The following OR5M8 variants were observed in gnomAD, a reference collection of about 807,000 sequenced individuals.
OR5M8 encodes the protein olfactory receptor 5M8.
For missense variants in OR5M8, 445 were observed against 379.3 expected (o/e 1.17, Z -1.44); for synonymous variants, 163 against 141.5 (o/e 1.15, Z -1.08).
rs746906761 is a variant in OR5M8 at position 56,490,501 on chromosome 11, G to A, written c.870C>T (p.Ser290=). The A allele has an allele frequency of 6.3e-7, 1 of 1,587,218 alleles. No individual in the cohort carries two copies. Among genetic ancestry groups the A allele is most frequent in the South Asian group, 1.1e-5 (1 of 90,210 alleles). Residue 290 remains serine, a synonymous_variant, in exon 1 of 1, where the codon AGC becomes AGT. Coordinates refer to ENST00000327216, the MANE Select transcript of OR5M8 (RefSeq NM_001005282.1). The part of the protein sequence containing the change: ...VIPMLNLIIY[S]LRNKNVKEAL... ...CTTCTTTTACATTTTTATTTCTAAGGCTATAAATTATAAGGTTCAGCATAG... is the reference window on the plus strand; with the variant it reads ...CTTCTTTTACATTTTTATTTCTAAGACTATAAATTATAAGGTTCAGCATAG...
Position 56,490,502 on chromosome 11 carries a change from C to A in OR5M8, c.869G>T (p.Ser290Ile), listed in dbSNP as rs754539185. The A allele has an allele frequency of 6.3e-7, 1 of 1,590,058 alleles. No individual in the cohort carries two copies. Among genetic ancestry groups the A allele is most frequent in the South Asian group, 1.1e-5 (1 of 90,340 alleles). Residue 290 changes from serine (S) to isoleucine (I), a missense_variant, in exon 1 of 1, where the codon AGC becomes ATC. Physicochemically the swap from Ser to Ile is moderately radical, Grantham distance 142. Coordinates refer to ENST00000327216, the MANE Select transcript of OR5M8 (RefSeq NM_001005282.1). ...VIPMLNLIIY[S>I]LRNKNVKEAL... ...TTCTTTTACATTTTTATTTCTAAGG[C>A]TATAAATTATAAGGTTCAGCATAGG... is the stretch of plus-strand genomic sequence containing the variant.
In OR5M8 at chr11:56,491,270, T is replaced by C; in HGVS notation, c.101A>G (p.Tyr34Cys). ...AAGGTTCCCTGCCACCGTGACCATG[T>C]AAATGGCCAGAAACAGCGTGAAGAG... ...ILLFTLFLAI[Y>C]MVTVAGNLGM... Residue 34 changes from tyrosine (Y) to cysteine (C), a missense_variant, in exon 1 of 1, where the codon TAC becomes TGC. Coordinates refer to ENST00000327216, the MANE Select transcript of OR5M8 (RefSeq NM_001005282.1). 1 of 1,614,132 alleles carries C rather than the reference T, an allele frequency of 6.2e-7. No individual in the cohort carries two copies. Among genetic ancestry groups the C allele is most frequent in the South Asian group, 1.1e-5 (1 of 91,074 alleles).
In OR5M8 at chr11:56,490,657, A is replaced by G; in HGVS notation, c.714T>C (p.Ser238=). ...RSTEGRQKAF[S]TCGSHLTAVT... ...CAGCTGTCAGATGGGAGCCACAGGT[A>G]GAAAAAGCTTTTTGCCTGCCCTCTG... Residue 238 remains serine (S), a synonymous_variant, in exon 1 of 1, where the codon TCT becomes TCC. Transcript: ENST00000327216. 6.2e-7 allele frequency: 1 copy of G among 1,613,870 alleles called. No homozygotes were observed. Among genetic ancestry groups the G allele is most frequent in the Non-Finnish European group, 8.5e-7 (1 of 1,179,922 alleles).
At position 56,491,247 on chromosome 11, in the gene OR5M8, G is replaced by A. The variant is rs1853850850; in HGVS notation, c.124C>T (p.Leu42Phe). 2 of 1,613,996 alleles carry A rather than the reference G, an allele frequency of 1.2e-6. No homozygotes were observed. Among genetic ancestry groups the A allele is most frequent in the African/African-American group, 2.7e-5 (2 of 74,918 alleles). ...AIYMVTVAGN[L>F]GMIVLIQANA... is the part of the protein sequence containing the mutation. ...GCCTGGATGAGGACAATCATGCCAA[G>A]GTTCCCTGCCACCGTGACCATGTAA... is the stretch of plus-strand genomic sequence containing the variant. The change falls in exon 1 of 1, where the codon CTT becomes TTT. Residue 42 changes from leucine (L) to phenylalanine (F), a missense_variant. Transcript: ENST00000327216.
chr11:56,491,220 T>C lies in OR5M8; in HGVS notation c.151A>G (p.Asn51Asp), dbSNP rs1296364075. ...NLGMIVLIQANAWLHMPMYFF... is the reference protein window; with the variant it reads ...NLGMIVLIQADAWLHMPMYFF... ...TACATGGGCATGTGGAGCCAGGCGTTGGCCTGGATGAGGACAATCATGCCA... is the reference window on the plus strand; with the variant it reads ...TACATGGGCATGTGGAGCCAGGCGTCGGCCTGGATGAGGACAATCATGCCA... Residue 51 changes from asparagine to aspartate, a missense_variant, in exon 1 of 1, where the codon AAC (asparagine) becomes GAC (aspartate). Physicochemically the swap from Asn to Asp is conservative, Grantham distance 23 (BLOSUM62 1). Coordinates refer to ENST00000327216, the MANE Select transcript of OR5M8 (RefSeq NM_001005282.1). 3 of 1,614,148 alleles carry C rather than the reference T, an allele frequency of 1.9e-6. No individual in the cohort carries two copies. The South Asian group carries it at 3.3e-5, about 18-fold the overall frequency.
At position 56,490,957 on chromosome 11, in the gene OR5M8, A is replaced by G. The variant is rs772432641; in HGVS notation, c.414T>C (p.Ser138=). Residue 138 remains serine, a synonymous_variant, in exon 1 of 1, where the codon AGT becomes AGC. Transcript: ENST00000327216. ...PLLYGSRMSK[S]VCSFLITVPY... is the part of the protein sequence containing the mutation. ...GCACCGTGATGAGGAAGGAGCACAC[A>G]CTCTTGGACATTCTGCTGCCATAAA... 3.7e-5 allele frequency: 59 copies of G among 1,613,820 alleles called. 1 individual carries two copies. The highest frequency in any genetic ancestry group is 6.7e-5 in the African/African-American group (5 of 74,846).
Position 56,491,322 on chromosome 11 carries a change from T to C in OR5M8, c.49A>G (p.Thr17Ala). Residue 17 changes from threonine (T) to alanine (A), a missense_variant, in exon 1 of 1, where the codon ACC (threonine) becomes GCC (alanine). Coordinates refer to ENST00000327216, the MANE Select transcript of OR5M8 (RefSeq NM_001005282.1). ...LVTEFILLGLTSRRELQILLF... is the reference protein window; with the variant it reads ...LVTEFILLGLASRRELQILLF... ...AGAATTTGTAATTCCCGGCGACTGG[T>C]CAGTCCCAGGAGAATGAACTCAGTC... 6.2e-7 allele frequency: 1 copy of C among 1,613,392 alleles called. No homozygotes were observed. The highest frequency in any genetic ancestry group is 8.5e-7 in the Non-Finnish European group (1 of 1,179,682).
Position 56,491,247 on chromosome 11 carries a change from G to C in OR5M8, c.124C>G (p.Leu42Val). The C allele has an allele frequency of 6.2e-7, 1 of 1,614,114 alleles. No homozygotes were observed. Among genetic ancestry groups the C allele is most frequent in the Non-Finnish European group, 8.5e-7 (1 of 1,179,988 alleles). The change falls in exon 1 of 1, where the codon CTT (leucine) becomes GTT (valine). Residue 42 changes from leucine (L) to valine (V), a missense_variant. By Grantham distance (32) the Leu-to-Val change is conservative (BLOSUM62 1). Transcript: ENST00000327216. ...GCCTGGATGAGGACAATCATGCCAA[G>C]GTTCCCTGCCACCGTGACCATGTAA... ...AIYMVTVAGN[L>V]GMIVLIQANA... is the part of the protein sequence containing the mutation.
In OR5M8 at chr11:56,490,836, C is replaced by T. The variant is rs1853844020; in HGVS notation, c.535G>A (p.Ala179Thr). ...GCCAGCTTAATCAGTGGTGGGTCCG[C>T]ACAGTAGAAGTGATTAATTTCATTG... Reference protein sequence around the residue: ...GPNEINHFYCADPPLIKLACS... With the variant: ...GPNEINHFYCTDPPLIKLACS... Residue 179 changes from alanine (A) to threonine (T), a missense_variant, in exon 1 of 1, where the codon GCG becomes ACG. Ala to Thr is a moderately conservative substitution (Grantham distance 58). Transcript: ENST00000327216. 1.9e-6 allele frequency: 3 copies of T among 1,614,080 alleles called. No individual in the cohort carries two copies. The highest frequency in any genetic ancestry group is 8.5e-7 in the Non-Finnish European group (1 of 1,179,980).
rs763301977 is a variant in OR5M8, at chr11:56,490,637, G to C, written c.734C>G (p.Thr245Arg). 9 of 1,613,972 alleles carry C rather than the reference G, an allele frequency of 5.6e-6. 1 individual carries two copies. The South Asian group carries it at 9.9e-5, about 18-fold the overall frequency. ...KAFSTCGSHL[T>R]AVTIFYATLF... ...GGTTGCATAGAATATAGTGACAGCT[G>C]TCAGATGGGAGCCACAGGTAGAAAA... is the stretch of plus-strand genomic sequence containing the variant. The change falls in exon 1 of 1, where the codon ACA becomes AGA. Residue 245 changes from threonine to arginine, a missense_variant. Coordinates refer to ENST00000327216, the MANE Select transcript of OR5M8 (RefSeq NM_001005282.1).
chr11:56,491,327 C>T lies in OR5M8; in HGVS notation c.44G>A (p.Gly15Glu). The T allele has an allele frequency of 1.2e-6, 2 of 1,607,556 alleles. No individual in the cohort carries two copies. The highest frequency in any genetic ancestry group is 1.7e-6 in the Non-Finnish European group (2 of 1,177,210). The change falls in exon 1 of 1, where the codon GGA becomes GAA. Residue 15 changes from glycine (G) to glutamate (E), a missense_variant. Gly to Glu is a moderately conservative substitution (Grantham distance 98). Transcript: ENST00000327216. ...TTGTAATTCCCGGCGACTGGTCAGT[C>T]CCAGGAGAATGAACTCAGTCACCAA... ...CTLVTEFILL[G>E]LTSRRELQIL...
rs150358569 is a variant in OR5M8 at position 56,490,834 on chromosome 11, C to T, written c.537G>A (p.Ala179=). ...GPNEINHFYC[A]DPPLIKLACS... ...AAGCCAGCTTAATCAGTGGTGGGTC[C>T]GCACAGTAGAAGTGATTAATTTCAT... Residue 179 remains alanine, a synonymous_variant, in exon 1 of 1, where the codon GCG becomes GCA. Coordinates refer to ENST00000327216, the MANE Select transcript of OR5M8 (RefSeq NM_001005282.1). The T allele has an allele frequency of 8.7e-4, 1,400 of 1,610,866 alleles. 3 individuals carry two copies. Among genetic ancestry groups the T allele is most frequent in the East Asian group, 1.2e-3 (54 of 44,874 alleles).
In OR5M8 at chr11:56,490,462, C is replaced by A; in HGVS notation, c.909G>T (p.Glu303Asp). ...AAGAAAAGTATATCTTCATTGACAG[C>A]TCTTTGATTAATGCTTCTTTTACAT... ...NKNVKEALIK[E>D]LSMKIYFS Residue 303 changes from glutamate (E) to aspartate (D), a missense_variant, in exon 1 of 1, where the codon GAG becomes GAT. Glu to Asp is a conservative substitution (Grantham distance 45). Coordinates refer to ENST00000327216, the MANE Select transcript of OR5M8 (RefSeq NM_001005282.1). 6.4e-7 allele frequency: 1 copy of A among 1,559,858 alleles called. No homozygotes were observed. The highest frequency in any genetic ancestry group is 8.8e-7 in the Non-Finnish European group (1 of 1,134,044).
Position 56,491,324 on chromosome 11 carries a change from A to C in OR5M8, c.47T>G (p.Leu16Arg), listed in dbSNP as rs1289969373. Residue 16 changes from leucine to arginine, a missense_variant, in exon 1 of 1, where the codon CTG becomes CGG. By Grantham distance (102) the Leu-to-Arg change is moderately radical (BLOSUM62 -2). Transcript: ENST00000327216. ...AATTTGTAATTCCCGGCGACTGGTC[A>C]GTCCCAGGAGAATGAACTCAGTCAC... Reference protein sequence around the residue: ...TLVTEFILLGLTSRRELQILL... With the variant: ...TLVTEFILLGRTSRRELQILL... 2 of 1,607,084 alleles carry C rather than the reference A, an allele frequency of 1.2e-6. No homozygotes were observed.
chr11:56,491,036 T>C lies in OR5M8; in HGVS notation c.335A>G (p.Tyr112Cys), dbSNP rs1853847121. 4 of 1,614,110 alleles carry C rather than the reference T, an allele frequency of 2.5e-6. No homozygotes were observed. The highest frequency in any genetic ancestry group is 2.5e-6 in the Non-Finnish European group (3 of 1,179,984). Reference sequence around the variant, plus strand: ...GTCAAAGGCCATCACAGCCAGGATGTAGATCTCAACATGGACCAAGGCGAT... The same window carrying C: ...GTCAAAGGCCATCACAGCCAGGATGCAGATCTCAACATGGACCAAGGCGAT... ...LFIALVHVEIYILAVMAFDRY... is the reference protein window; with the variant it reads ...LFIALVHVEICILAVMAFDRY... Residue 112 changes from tyrosine to cysteine, a missense_variant, in exon 1 of 1, where the codon TAC becomes TGC. By Grantham distance (194) the Tyr-to-Cys change is radical (BLOSUM62 -2). Coordinates refer to ENST00000327216, the MANE Select transcript of OR5M8 (RefSeq NM_001005282.1).
rs2134853650 is a variant in OR5M8 at position 56,490,626 on chromosome 11, T to C, written c.745A>G (p.Ile249Val). The C allele has an allele frequency of 1.2e-6, 2 of 1,614,010 alleles. No individual in the cohort carries two copies. Among genetic ancestry groups the C allele is most frequent in the Non-Finnish European group, 8.5e-7 (1 of 1,179,978 alleles). The change falls in exon 1 of 1, where the codon ATA (isoleucine) becomes GTA (valine). Residue 249 changes from isoleucine to valine, a missense_variant. By Grantham distance (29) the Ile-to-Val change is conservative. Coordinates refer to ENST00000327216, the MANE Select transcript of OR5M8 (RefSeq NM_001005282.1). ...TCGSHLTAVT[I>V]FYATLFFMYL... ...ATGAAGAAAAGGGTTGCATAGAATA[T>C]AGTGACAGCTGTCAGATGGGAGCCA...
rs750607597 is a variant in OR5M8, at chr11:56,490,576, T to C, written c.795A>G (p.Glu265=). The C allele has an allele frequency of 8.7e-6, 14 of 1,613,982 alleles. No individual in the cohort carries two copies. The highest frequency in any genetic ancestry group is 1.0e-5 in the Non-Finnish European group (12 of 1,179,846). The change falls in exon 1 of 1, where the codon GAA becomes GAG. Residue 265 remains glutamate, a synonymous_variant. Coordinates refer to ENST00000327216, the MANE Select transcript of OR5M8 (RefSeq NM_001005282.1). The part of the protein sequence containing the change: ...FFMYLRPPSK[E]SVEQGKMVAV... The stretch of plus-strand genomic sequence containing the variant: ...CTACCATTTTACCCTGTTCAACAGA[T>C]TCCTTTGAGGGGGGTCTGAGATACA...
rs546898264 is a variant in OR5M8 at position 56,491,085 on chromosome 11, A to T, written c.286T>A (p.Cys96Ser). 6.2e-7 allele frequency: 1 copy of T among 1,614,222 alleles called. No individual in the cohort carries two copies. Among genetic ancestry groups the T allele is most frequent in the East Asian group, 2.2e-5 (1 of 44,878 alleles). The change falls in exon 1 of 1, where the codon TGT (cysteine) becomes AGT (serine). Residue 96 changes from cysteine to serine, a missense_variant. Transcript: ENST00000327216. ...ATAAAAAGGTAACACTGCACAAGAC[A>T]GGCAGGATAGGAAATGCTTTTCTTC... is the stretch of plus-strand genomic sequence containing the variant. ...SEKKSISYPA[C>S]LVQCYLFIAL...
In OR5M8 at chr11:56,490,653, A is replaced by G. The variant is rs956131838; in HGVS notation, c.718T>C (p.Cys240Arg). Residue 240 changes from cysteine (C) to arginine (R), a missense_variant, in exon 1 of 1, where the codon TGT becomes CGT. By Grantham distance (180) the Cys-to-Arg change is radical. Coordinates refer to ENST00000327216, the MANE Select transcript of OR5M8 (RefSeq NM_001005282.1). ...GTGACAGCTGTCAGATGGGAGCCACAGGTAGAAAAAGCTTTTTGCCTGCCC... is the reference window on the plus strand; with the variant it reads ...GTGACAGCTGTCAGATGGGAGCCACGGGTAGAAAAAGCTTTTTGCCTGCCC... ...TEGRQKAFST[C>R]GSHLTAVTIF... 3 of 1,613,770 alleles carry G rather than the reference A, an allele frequency of 1.9e-6. No homozygotes were observed.
Sources: allele counts gnomAD v4.1 joint callset, GRCh38; gene constraint gnomAD v4.1.1; transcripts MANE v1.5; gene names NCBI Gene and HGNC (gene_info 2026-07-23, HGNC 2026-07-21).